Variants in CCDC12 observed in about 807,000 individuals in gnomAD.
CCDC12 encodes coiled-coil domain-containing protein 12.
Under a neutral mutation model 25.7 loss-of-function variants are expected in CCDC12, and 28 were observed. The ratio of observed to expected loss-of-function variants is 1.09; its 90% CI spans 0.81 to 1.50. The LOEUF (loss-of-function observed/expected upper bound fraction) is 1.50, where lower values mean the gene tolerates loss of function less well. CCDC12 is among the 40% of genes most tolerant of loss of function. The pLI, the probability that CCDC12 is intolerant of heterozygous loss-of-function variation, is 0.00. For synonymous variants in CCDC12, 75 were observed against 87.7 expected (o/e 0.86, Z 0.81); for missense variants, 198 against 210.0 (o/e 0.94, Z 0.35).
intron 5 of CCDC12, 37 bp from the exon 6 acceptor site, chr3:46,922,349 G>C (rs62248424): frequency 6.2e-7 from 1 of 1,612,050 alleles, no homozygotes; most frequent in South Asian, 1.1e-5. Flanking sequence ...GGAAGGTGAA[G>C]GCTGGCCTGA....
Position 46,922,016 on chromosome 3 carries a change from C to A in CCDC12, c.*41G>T, listed in dbSNP as rs757527217. On this transcript the variant is annotated 3_prime_UTR_variant, in exon 7 of 7. Coordinates refer to ENST00000683445, the MANE Select transcript of CCDC12 (RefSeq NM_001277074.2). ...CATCCCTGCCCAAGACCATCCTCTG[C>A]AGGACAGGCCTGATGGGCGAGTGGT... 20 of 1,606,448 alleles carry A rather than the reference C, an allele frequency of 1.2e-5. No homozygotes were observed. Among genetic ancestry groups the A allele is most frequent in the Non-Finnish European group, 1.7e-5 (20 of 1,174,658 alleles).
At chr3:46,969,747 ACAACTGGAGCT>A (rs1250036610) in intron 1 of CCDC12, among the ~76,000 whole-genome samples, 1 of 152,156 alleles carries the variant, frequency 6.6e-6, no homozygotes, top group Non-Finnish European at 1.5e-5. Flanking sequence ...TTAGCGCTCA[ACAACTGGAGCT>A]CAGGTAGAGA....
At position 46,940,941 on chromosome 3, in the gene CCDC12, G is replaced by A; in HGVS notation, c.164+57C>T. The A allele has an allele frequency of 3.2e-6, 5 of 1,547,044 alleles. No individual in the cohort carries two copies. In the South Asian group the frequency reaches 5.6e-5, roughly 17 times the overall value. On this transcript the variant is annotated intron_variant, in intron 2 of 6. Transcript: ENST00000683445. ...CAGAGTTGGGAGGACCCAGAGACTG[G>A]GAGACCGATGAGTGCTGGAGGAGAG...
intron 1 of CCDC12, among the ~76,000 whole-genome samples, chr3:46,961,355 A>G (rs2034459300): frequency 6.6e-6 from 1 of 152,238 alleles, no homozygotes; most frequent in Non-Finnish European, 1.5e-5. Context: ...AAAACCATTT[A>G]AAACATACAG....
At chr3:46,941,584 A>C (rs77425956) in intron 1 of CCDC12, among the ~76,000 whole-genome samples, 1 of 151,690 alleles carries the variant, frequency 6.6e-6, no homozygotes, top group Non-Finnish European at 1.5e-5. Context: ...AAAAAGCAAC[A>C]AAAAAAGTCC....
At chr3:46,924,528 TG>T (rs1241480677) in intron 3 of CCDC12, among the ~76,000 whole-genome samples, 4 of 152,238 alleles carry the variant, frequency 2.6e-5, no homozygotes, top group Non-Finnish European at 4.4e-5. Context: ...TTTATTCACT[TG>T]TTACTTATGC....
chr3:46,922,368 T>C, intron 5 of CCDC12, 56 bp from the exon 6 acceptor site: 2 of 1,589,586 alleles, frequency 1.3e-6, no homozygotes, highest in Non-Finnish European at 1.7e-6. Flanking sequence ...GATGTGGCAT[T>C]GGGTCCCCTC....
chr3:46,951,798 A>AAAAAAAAAAAAAATATATATATATATAT, intron 1 of CCDC12, among the ~76,000 whole-genome samples: 1 of 8,468 alleles, frequency 1.2e-4, no homozygotes, highest in Admixed American at 3.4e-3. Flanking sequence ...AAAAAAAAAA[A>AAAAAAAAAAAAAATATATATATATATAT]ATATATATAT....
chr3:46,964,078 G>A (rs1227697817), intron 1 of CCDC12, among the ~76,000 whole-genome samples: 1 of 151,818 alleles, frequency 6.6e-6, no homozygotes, highest in African/African-American at 2.4e-5. Flanking sequence ...GCCCCGTCTG[G>A]GATGTGAGGA....
chr3:46,937,696 A>C (rs574850623), intron 2 of CCDC12, among the ~76,000 whole-genome samples: 1 of 152,192 alleles, frequency 6.6e-6, no homozygotes, highest in African/African-American at 2.4e-5. Context: ...AATAAAAAGC[A>C]AGATCCCCTG....
At chr3:46,965,394 T>C (rs12487763) in intron 1 of CCDC12, among the ~76,000 whole-genome samples, 143,607 of 152,244 alleles carry the variant, frequency 0.94, 68,338 homozygotes, top group East Asian at 1. Flanking sequence ...TGTGGCTGTC[T>C]AGTGCCTCTT....
intron 1 of CCDC12, among the ~76,000 whole-genome samples, chr3:46,944,652 GC>G (rs2033836831): frequency 6.6e-6 from 1 of 150,930 alleles, no homozygotes; most frequent in African/African-American, 2.4e-5. Context: ...CCACAACCAA[GC>G]CCCCAGCCAT....
chr3:46,963,868 C>T (rs4683281), intron 1 of CCDC12, among the ~76,000 whole-genome samples: 125,124 of 138,870 alleles, frequency 0.9, 56,755 homozygotes, highest in East Asian at 0.98. Context: ...AGCCTCTGCT[C>T]GGCCGCCACC....
upstream of CCDC12, chr3:46,979,697 G>T (rs2035163685): frequency 3.2e-6 from 1 of 310,908 alleles, no homozygotes; most frequent in Non-Finnish European, 5.9e-6. Context: ...GACTTGGGTG[G>T]CTCTGCGCCG....
chr3:46,963,282 C>T (rs896714769), intron 1 of CCDC12, among the ~76,000 whole-genome samples: 6 of 152,204 alleles, frequency 3.9e-5, no homozygotes, highest in Admixed American at 2.0e-4. Flanking sequence ...GTACTTTTCT[C>T]TCTGTATAGT....
rs556927258 is a variant in CCDC12, at chr3:46,944,065, C to G, written c.97-3000G>C. ...CGGGATAGTGGAGGGAAGCGCAGACCACTTGAAGCTCACCCCTACCTGAGA... is the reference window on the plus strand; with the variant it reads ...CGGGATAGTGGAGGGAAGCGCAGACGACTTGAAGCTCACCCCTACCTGAGA... On this transcript the variant is annotated intron_variant, in intron 1 of 6. Coordinates refer to ENST00000683445, the MANE Select transcript of CCDC12 (RefSeq NM_001277074.2). 3.9e-5 allele frequency among the ~76,000 whole-genome samples: 6 copies of G among 152,284 alleles called. No homozygotes were observed. In the East Asian group the frequency reaches 1.2e-3, roughly 29 times the overall value.
intron 1 of CCDC12, among the ~76,000 whole-genome samples, chr3:46,946,307 C>T (rs1422606953): frequency 1.3e-5 from 2 of 152,258 alleles, no homozygotes; most frequent in Admixed American, 6.5e-5. Flanking sequence ...GAAAATGTAA[C>T]TCTGTGCCAT....
intron 1 of CCDC12, among the ~76,000 whole-genome samples, chr3:46,943,036 C>T (rs910681244): frequency 4.6e-5 from 7 of 151,994 alleles, no homozygotes; most frequent in South Asian, 2.1e-4. Context: ...GGGCTCTGGC[C>T]GGTGTTCTTA....
chr3:46,938,528 T>TG (rs1359084792), intron 2 of CCDC12, among the ~76,000 whole-genome samples: 2 of 145,440 alleles, frequency 1.4e-5, no homozygotes, highest in African/African-American at 2.5e-5. Context: ...GTTTTTTTTT[T>TG]TTTTTTTTTT....
Sources: allele counts gnomAD v4.1 joint callset (sites outside exome capture counted in the v4.1 genomes callset), GRCh38; gene constraint gnomAD v4.1.1; transcripts MANE v1.5; gene names NCBI Gene and HGNC (gene_info 2026-07-23, HGNC 2026-07-21).